Variants in BEND6 observed in about 807,000 individuals in gnomAD.
The protein encoded by BEND6 is BEN domain-containing protein 6.
A neutral mutation model predicts 31.8 loss-of-function variants in BEND6; 24 were observed. The ratio of observed to expected loss-of-function variants is 0.75; its 90% CI spans 0.55 to 1.06. The LOEUF is 1.06. BEND6 is among the 50% of genes least tolerant of loss of function. The probability of loss-of-function intolerance (pLI) is 0.00; values close to 1 mark genes in which losing one functional copy is unlikely to be tolerated. For missense variants in BEND6, 294 were observed against 327.4 expected (o/e 0.90, Z 0.79); for synonymous variants, 109 against 114.6 (o/e 0.95, Z 0.31).
rs1392437216 is a variant in BEND6 at position 57,026,288 on chromosome 6, T to C, written c.*216T>C. Reference sequence around the variant, plus strand: ...TAGATTCCACCCTCAGTACTAGTGATGCATCAAACCAGAGAATTTCTGCCA... The same window carrying C: ...TAGATTCCACCCTCAGTACTAGTGACGCATCAAACCAGAGAATTTCTGCCA... On this transcript the variant is annotated 3_prime_UTR_variant, in exon 7 of 7. Coordinates refer to ENST00000370746, the MANE Select transcript of BEND6 (RefSeq NM_152731.3). 1 of 152,218 alleles carries C rather than the reference T, an allele frequency of 6.6e-6. No individual in the cohort carries two copies. Among genetic ancestry groups the C allele is most frequent in the Non-Finnish European group, 1.5e-5 (1 of 68,042 alleles). The allele number at this position is 152,218 out of a possible 1,614,324, so 9.4% of individuals were successfully genotyped here. A position where few individuals can be genotyped will look rare whatever the true frequency, so the allele number is the denominator to read the frequency against.
chr6:56,991,811 G>A (rs533330667), intron 2 of BEND6, among the ~76,000 whole-genome samples: 34 of 152,048 alleles, frequency 2.2e-4, no homozygotes, highest in African/African-American at 7.0e-4. Flanking sequence ...ATTCCCTCAC[G>A]TCCCCTGTCA....
At chr6:56,992,323 T>G in intron 2 of BEND6, 55 bp from the exon 3 acceptor site, 1 of 1,520,506 alleles carries the variant, frequency 6.6e-7, no homozygotes, top group South Asian at 1.3e-5. Context: ...TAACCAGAGA[T>G]AAACCATTAA....
chr6:57,004,811 T>G (rs1562553345), intron 3 of BEND6: 5 of 811,510 alleles, frequency 6.2e-6, no homozygotes, highest in East Asian at 2.5e-5. Flanking sequence ...CAATTAGGAT[T>G]GCCTGAGCTC....
rs141880298 is a variant in BEND6, at chr6:57,000,169, C to G, written c.298+7614C>G. Among the ~76,000 whole-genome samples, 7 of 151,650 alleles carry G rather than the reference C, an allele frequency of 4.6e-5. No homozygotes were observed. In the East Asian group the frequency reaches 1.2e-3, roughly 25 times the overall value. On this transcript the variant is annotated intron_variant, in intron 3 of 6. Transcript: ENST00000370746. ...AGAAAAGGGGGAAATGTGGGGAAAA[C>G]AAAGAGAGATCAGATTGTTACTGTG...
At chr6:57,012,712 T>C (rs1827389933) in intron 3 of BEND6, among the ~76,000 whole-genome samples, 1 of 152,026 alleles carries the variant, frequency 6.6e-6, no homozygotes, top group Non-Finnish European at 1.5e-5. Context: ...GTTCTAATTA[T>C]GTAAAAGAAA....
At chr6:56,958,200 C>T (rs34616943) in intron 1 of BEND6, among the ~76,000 whole-genome samples, 1 of 152,138 alleles carries the variant, frequency 6.6e-6, no homozygotes, top group Non-Finnish European at 1.5e-5. Flanking sequence ...TTATACATCA[C>T]TCCTGCCCAC....
Position 56,973,184 on chromosome 6 carries a change from C to T in BEND6, c.-100-8527C>T, listed in dbSNP as rs576319119. Among the ~76,000 whole-genome samples, 9 of 152,314 alleles carry T rather than the reference C, an allele frequency of 5.9e-5. No homozygotes were observed. The South Asian group carries it at 1.9e-3, about 32-fold the overall frequency. On this transcript the variant is annotated intron_variant, in intron 1 of 6. Transcript: ENST00000370746. ...ACTGTGGAGAAAAGAGCTCTCCACACATTCTGAATTATCAGCAACCCCAGT... is the reference window on the plus strand; with the variant it reads ...ACTGTGGAGAAAAGAGCTCTCCACATATTCTGAATTATCAGCAACCCCAGT...
At chr6:56,971,949 T>G (rs939714070) in intron 1 of BEND6, among the ~76,000 whole-genome samples, 8 of 152,136 alleles carry the variant, frequency 5.3e-5, no homozygotes, top group Non-Finnish European at 1.2e-4. Context: ...GCACAAAACT[T>G]TAATTTGCAT....
At chr6:57,007,054 C>T (rs1011530994) in intron 3 of BEND6, among the ~76,000 whole-genome samples, 1 of 152,094 alleles carries the variant, frequency 6.6e-6, no homozygotes, top group African/African-American at 2.4e-5. Flanking sequence ...CTTTGGGGGG[C>T]CGAGGTGGGA....
chr6:57,022,164 C>CTTTTTTTTTTTTTT (rs57185788), intron 6 of BEND6, among the ~76,000 whole-genome samples: 187 of 110,942 alleles, frequency 1.7e-3, no homozygotes, highest in East Asian at 3.5e-3. Context: ...TTTTCTTTTT[C>CTTTTTTTTTTTTTT]TTTTTTTTTT....
chr6:56,978,691 T>C (rs1216262269), intron 1 of BEND6, among the ~76,000 whole-genome samples: 1 of 152,232 alleles, frequency 6.6e-6, no homozygotes, highest in South Asian at 2.1e-4. Context: ...ATATTCTGAC[T>C]TGCCCTACTA....
In BEND6 at chr6:57,024,800, C is replaced by T. The variant is rs77672910; in HGVS notation, c.*10-1282C>T. Among the ~76,000 whole-genome samples, 1,333 of 152,310 alleles carry T rather than the reference C, an allele frequency of 8.8e-3. 28 individuals carry two copies. Among genetic ancestry groups the T allele is most frequent in the African/African-American group, 0.03 (1,251 of 41,558 alleles). On this transcript the variant is annotated intron_variant, in intron 6 of 6. Transcript: ENST00000370746. ...ACTATTTTTTAAAAAGCACTTTCCA[C>T]TCCTTGCTCTTGTGTGATTCCCTCT... is the stretch of plus-strand genomic sequence containing the variant.
chr6:57,011,730 A>G (rs1438643185), intron 3 of BEND6, among the ~76,000 whole-genome samples: 47 of 147,822 alleles, frequency 3.2e-4, no homozygotes, highest in East Asian at 1.2e-3. Flanking sequence ...AAAAAAAAAA[A>G]AAAAAGAAAA....
At chr6:56,968,466 G>A (rs1319128300) in intron 1 of BEND6, among the ~76,000 whole-genome samples, 2 of 150,866 alleles carry the variant, frequency 1.3e-5, no homozygotes, top group South Asian at 2.1e-4. Context: ...GACTGTAGGT[G>A]TGCCCCACCA....
intron 3 of BEND6, among the ~76,000 whole-genome samples, chr6:56,995,128 T>G (rs1826656475): frequency 6.6e-6 from 1 of 151,930 alleles, no homozygotes; most frequent in Non-Finnish European, 1.5e-5. Context: ...AGTATATTGC[T>G]CCAGAGATTC....
chr6:56,988,603 C>G (rs1826375025), intron 2 of BEND6, among the ~76,000 whole-genome samples: 1 of 152,178 alleles, frequency 6.6e-6, no homozygotes, highest in East Asian at 1.9e-4. Flanking sequence ...TCCAATAAAG[C>G]TGCTGCCCAT....
intron 3 of BEND6, among the ~76,000 whole-genome samples, chr6:57,012,786 T>C (rs1182605963): frequency 1.3e-5 from 2 of 152,198 alleles, no homozygotes; most frequent in Non-Finnish European, 2.9e-5. Flanking sequence ...CCAATGAACA[T>C]GTACAAACAT....
chr6:56,972,414 G>T (rs1592975537), intron 1 of BEND6, among the ~76,000 whole-genome samples: 1 of 151,900 alleles, frequency 6.6e-6, no homozygotes, highest in Non-Finnish European at 1.5e-5. Context: ...TTCCTTATAA[G>T]AATTTTATAA....
At chr6:56,993,604 G>C (rs1380004710) in intron 3 of BEND6, among the ~76,000 whole-genome samples, 2 of 152,186 alleles carry the variant, frequency 1.3e-5, no homozygotes, top group Non-Finnish European at 2.9e-5. Context: ...TAAATTAAAG[G>C]CTTCATACTT....
Sources: gnomAD v4.1 joint callset for allele counts (sites outside exome capture counted in the v4.1 genomes callset) on GRCh38, gnomAD v4.1.1 for gene constraint, MANE v1.5 for transcripts, NCBI Gene and HGNC (gene_info 2026-07-23, HGNC 2026-07-21) for gene names.